APBA3: variants seen among roughly 807,000 people sequenced by gnomAD.
APBA3 encodes amyloid beta precursor protein binding family A member 3.
APBA3 carries 45 observed loss-of-function variants against 55.9 expected under a neutral mutation model. The observed-to-expected ratio is 0.80, with a 90% confidence interval of 0.63 to 1.03. APBA3 has a LOEUF of 1.03. Ranked by LOEUF, APBA3 falls within the 50% of genes least tolerant of loss-of-function variation. The pLI, the probability that APBA3 is intolerant of heterozygous loss-of-function variation, is 0.00. For missense variants in APBA3, 865 were observed against 820.3 expected (o/e 1.05, Z -0.67); for synonymous variants, 370 against 353.3 (o/e 1.05, Z -0.53).
intron 3 of APBA3, chr19:3,755,082 G>A (rs899081749): frequency 6.6e-6 from 1 of 152,260 alleles, no homozygotes; most frequent in Non-Finnish European, 1.5e-5. Context: ...CACTGTTCTA[G>A]AACCGTCTGC....
intron 1 of APBA3, among the ~76,000 whole-genome samples, chr19:3,760,903 G>A (rs150331207): frequency 1.8e-4 from 28 of 152,090 alleles, no homozygotes; most frequent in Non-Finnish European, 3.5e-4. Context: ...ACAGAGTGAG[G>A]CCCTGTCTTA....
rs2037005826 is a variant in APBA3 at position 3,751,565 on chromosome 19, G to A, written c.1396-12C>T. The A allele has an allele frequency of 6.3e-7, 1 of 1,579,496 alleles. No homozygotes were observed. The highest frequency in any genetic ancestry group is 1.4e-5 in the African/African-American group (1 of 74,034). ...TGCGACTTCGTCTCCTGTGGGGCGG[G>A]GGCCGTTGGCCTCACTCAGCTGCCG... On this transcript the variant is annotated splice_polypyrimidine_tract_variant and intron_variant, in intron 8 of 10. Transcript: ENST00000316757.
intron 3 of APBA3, chr19:3,755,559 C>CGGCGGGGG (rs1555743061): frequency 2.0e-5 from 1 of 51,244 alleles, no homozygotes; most frequent in Non-Finnish European, 4.1e-5. Context: ...TTTAGGAGGC[C>CGGCGGGGG]GGGGGGGGGG....
chr19:3,754,375 G>T (rs1183104839), intron 3 of APBA3, 35 bp from the exon 4 acceptor site: 1 of 1,535,172 alleles, frequency 6.5e-7, no homozygotes, highest in South Asian at 1.2e-5. Context: ...GGCCCCCAGG[G>T]GCCCACTCCC....
chr19:3,750,838 G>A lies in APBA3; in HGVS notation c.*188C>T. ...ACCGGCTTCTAGTGGCTTCCAGGAAGGACAAGGTCCTCGGTCCCGTAGACC... is the reference window on the plus strand; with the variant it reads ...ACCGGCTTCTAGTGGCTTCCAGGAAAGACAAGGTCCTCGGTCCCGTAGACC... On this transcript the variant is annotated 3_prime_UTR_variant, in exon 11 of 11. Transcript: ENST00000316757. The A allele has an allele frequency of 1.0e-6, 1 of 966,278 alleles. No homozygotes were observed. 59.9% of individuals were successfully genotyped at this position (966,278 alleles called of 1,614,324 possible). A position where few individuals can be genotyped will look rare whatever the true frequency, so the allele number is the denominator to read the frequency against.
Position 3,754,349 on chromosome 19 carries a change from G to A in APBA3, c.617-9C>T, listed in dbSNP as rs368806517. On this transcript the variant is annotated splice_polypyrimidine_tract_variant and intron_variant, in intron 3 of 10. Transcript: ENST00000316757. ...GTCACAGGGACCAGGCACTGAGGGC[G>A]ACAGCGAAGAGGGTCGGCCCCCAGG... is the stretch of plus-strand genomic sequence containing the variant. 1.4e-5 allele frequency: 22 copies of A among 1,555,794 alleles called. No homozygotes were observed. The highest frequency in any genetic ancestry group is 1.6e-5 in the Non-Finnish European group (18 of 1,153,366).
At position 3,759,817 on chromosome 19, in the gene APBA3, C is replaced by G. The variant is rs375417254; in HGVS notation, c.448G>C (p.Asp150His). 6 of 1,612,638 alleles carry G rather than the reference C, an allele frequency of 3.7e-6. No homozygotes were observed. The African/African-American group carries it at 6.7e-5, about 18-fold the overall frequency. The part of the protein sequence containing the change: ...QPPEDPDEDS[D>H]SPEWVEGASA... The stretch of plus-strand genomic sequence containing the variant: ...GCCCCCTCCACCCATTCTGGGGAGT[C>G]AGAATCCTCATCTGGGTCCTCAGGG... The change falls in exon 2 of 11, where the codon GAC becomes CAC. Residue 150 changes from aspartate to histidine, a missense_variant. Asp to His is a moderately conservative substitution (Grantham distance 81, BLOSUM62 -1). Coordinates refer to ENST00000316757, the MANE Select transcript of APBA3 (RefSeq NM_004886.4).
chr19:3,752,958 G>C lies in APBA3; in HGVS notation c.1044C>G (p.Ala348=), dbSNP rs71341104. Residue 348 remains alanine, a synonymous_variant, in exon 7 of 11, where the codon GCC becomes GCG. Transcript: ENST00000316757. The part of the protein sequence containing the change: ...AQLIAQAIGQ[A]FAAAYSQFLR... The stretch of plus-strand genomic sequence containing the variant: ...GGAACTGGCTGTAGGCGGCGGCGAA[G>C]GCCTGGCCAATGGCCTGGGCGATGA... 1 of 1,612,926 alleles carries C rather than the reference G, an allele frequency of 6.2e-7. No homozygotes were observed. The highest frequency in any genetic ancestry group is 8.5e-7 in the Non-Finnish European group (1 of 1,179,910).
chr19:3,756,876 GT>G (rs1292296946), intron 3 of APBA3, among the ~76,000 whole-genome samples: 1 of 152,108 alleles, frequency 6.6e-6, no homozygotes, highest in African/African-American at 2.4e-5. Flanking sequence ...TCTGCCCAGG[GT>G]TATAGAACAC....
In APBA3 at chr19:3,754,206, C is replaced by A. The variant is rs572429772; in HGVS notation, c.751G>T (p.Asp251Tyr). 6.5e-7 allele frequency: 1 copy of A among 1,541,938 alleles called. No homozygotes were observed. ...TRMAQAREAM[D>Y]RVKAPDGETQ... Reference sequence around the variant, plus strand: ...GGCCGCCCCCTCACCTTGACGCGGTCCATGGCCTCCCGGGCCTGGGCCATG... The same window carrying A: ...GGCCGCCCCCTCACCTTGACGCGGTACATGGCCTCCCGGGCCTGGGCCATG... The change falls in exon 4 of 11, where the codon GAC becomes TAC. Residue 251 changes from aspartate to tyrosine, a missense_variant. Physicochemically the swap from Asp to Tyr is radical, Grantham distance 160 (BLOSUM62 -3). Transcript: ENST00000316757.
chr19:3,753,328 G>A (rs1451721130), intron 6 of APBA3: 8 of 420,684 alleles, frequency 1.9e-5, no homozygotes, highest in East Asian at 4.1e-5. Context: ...AAGGTTTCGG[G>A]GAGTCGGCCG....
At position 3,751,055 on chromosome 19, in the gene APBA3, T is replaced by G. The variant is rs1029674178; in HGVS notation, c.1699A>C (p.Thr567Pro). 3.2e-6 allele frequency: 5 copies of G among 1,565,638 alleles called. No individual in the cohort carries two copies. Among genetic ancestry groups the G allele is most frequent in the Non-Finnish European group, 3.5e-6 (4 of 1,154,868 alleles). ...TMPAATYRLL[T>P]GQEQPVYL ...AGGTACACGGGCTGCTCCTGGCCTGTAAGGAGGCGATATGTGGCAGCTGGC... is the reference window on the plus strand; with the variant it reads ...AGGTACACGGGCTGCTCCTGGCCTGGAAGGAGGCGATATGTGGCAGCTGGC... The change falls in exon 11 of 11, where the codon ACA (threonine) becomes CCA (proline). Residue 567 changes from threonine (T) to proline (P), a missense_variant. Physicochemically the swap from Thr to Pro is conservative, Grantham distance 38. Coordinates refer to ENST00000316757, the MANE Select transcript of APBA3 (RefSeq NM_004886.4).
rs2037043045 is a variant in APBA3, at chr19:3,753,933, C to CGGGAGAGGCAGCCTGGGT, written c.850-25_850-8dup. 3 of 1,554,426 alleles carry CGGGAGAGGCAGCCTGGGT rather than the reference C, an allele frequency of 1.9e-6. No individual in the cohort carries two copies. The highest frequency in any genetic ancestry group is 2.6e-6 in the Non-Finnish European group (3 of 1,147,858). On this transcript the variant is annotated splice_region_variant and splice_polypyrimidine_tract_variant and intron_variant, in intron 5 of 10. Transcript: ENST00000316757. ...CGTGGTCCATCATGGCCTCCTGGGG[C>CGGGAGAGGCAGCCTGGGT]GGGAGAGGCAGCCTGGGTGGGTTGG...
Position 3,759,610 on chromosome 19 carries a change from G to C in APBA3, c.577-10C>G. On this transcript the variant is annotated splice_polypyrimidine_tract_variant and intron_variant, in intron 2 of 10. Coordinates refer to ENST00000316757, the MANE Select transcript of APBA3 (RefSeq NM_004886.4). ...CCAGGGTCTCGGGGCTCTGGAAGAA[G>C]ATAGAGGAGGGGCAGGACTGAGTCT... 2 of 1,601,764 alleles carry C rather than the reference G, an allele frequency of 1.2e-6. No homozygotes were observed. Among genetic ancestry groups the C allele is most frequent in the Middle Eastern group, 3.3e-4 (2 of 5,974 alleles).
In APBA3 at chr19:3,751,040, G is replaced by T; in HGVS notation, c.1714C>A (p.Pro572Thr). The T allele has an allele frequency of 6.4e-7, 1 of 1,561,660 alleles. No individual in the cohort carries two copies. The highest frequency in any genetic ancestry group is 8.7e-7 in the Non-Finnish European group (1 of 1,152,686). ...GGATGAGGTGGTCACAGGTACACGG[G>T]CTGCTCCTGGCCTGTAAGGAGGCGA... ...TYRLLTGQEQ[P>T]VYL Residue 572 changes from proline to threonine, a missense_variant, in exon 11 of 11, where the codon CCC becomes ACC. Physicochemically the swap from Pro to Thr is conservative, Grantham distance 38. Coordinates refer to ENST00000316757, the MANE Select transcript of APBA3 (RefSeq NM_004886.4).
intron 3 of APBA3, among the ~76,000 whole-genome samples, chr19:3,758,256 G>A (rs1302859651): frequency 1.3e-5 from 2 of 151,442 alleles, no homozygotes; most frequent in East Asian, 3.9e-4. Flanking sequence ...AATTTGAATT[G>A]CATTTTTTTA....
Position 3,760,336 on chromosome 19 carries a change from C to T in APBA3, c.-37-35G>A, listed in dbSNP as rs60648147. 78 of 1,394,976 alleles carry T rather than the reference C, an allele frequency of 5.6e-5. 1 individual carries two copies. In the South Asian group the frequency reaches 9.0e-4, roughly 16 times the overall value. The allele number at this position is 1,394,976 out of a possible 1,614,324, so 86.4% of individuals were successfully genotyped here. A position where few individuals can be genotyped will look rare whatever the true frequency, so the allele number is the denominator to read the frequency against. On this transcript the variant is annotated intron_variant, in intron 1 of 10. Coordinates refer to ENST00000316757, the MANE Select transcript of APBA3 (RefSeq NM_004886.4). ...AGAGAGTCAGCACTGAGGTTTCGCC[C>T]GGGTGCAGTGGCTCATGCCTGTAAT...
chr19:3,759,887 A>T lies in APBA3; in HGVS notation c.378T>A (p.Thr126=). ...LHCEECPPSQ[T]GPEEPLEPAP... ...CAGGCTCTAGAGGCTCTTCAGGACC[A>T]GTCTGGGAAGGCGGGCATTCCTCGC... The change falls in exon 2 of 11, where the codon ACT becomes ACA. Residue 126 remains threonine (T), a synonymous_variant. Coordinates refer to ENST00000316757, the MANE Select transcript of APBA3 (RefSeq NM_004886.4). The T allele has an allele frequency of 1.9e-6, 3 of 1,611,956 alleles. No homozygotes were observed. Among genetic ancestry groups the T allele is most frequent in the Non-Finnish European group, 2.5e-6 (3 of 1,179,592 alleles).
Position 3,752,510 on chromosome 19 carries a change from G to T in APBA3, c.1393C>A (p.Arg465Ser). 1.3e-6 allele frequency: 2 copies of T among 1,571,524 alleles called. No homozygotes were observed. Among genetic ancestry groups the T allele is most frequent in the Non-Finnish European group, 8.6e-7 (1 of 1,164,026 alleles). Residue 465 changes from arginine to serine, a missense_variant and splice_region_variant, in exon 8 of 11, where the codon CGC becomes AGC. Physicochemically the swap from Arg to Ser is moderately radical, Grantham distance 110 (BLOSUM62 -1). Transcript: ENST00000316757. Reference sequence around the variant, plus strand: ...CCCTGCCACACCAGGAAACTCACGCGGACAGCGGCCTGGCACGCAGCCAGG... The same window carrying T: ...CCCTGCCACACCAGGAAACTCACGCTGACAGCGGCCTGGCACGCAGCCAGG... Reference protein sequence around the residue: ...LPLAACQAAVRETKSQTSVTL... With the variant: ...LPLAACQAAVSETKSQTSVTL...
Sources: allele counts gnomAD v4.1 joint callset (sites outside exome capture counted in the v4.1 genomes callset), GRCh38; gene constraint gnomAD v4.1.1; transcripts MANE v1.5; gene names NCBI Gene and HGNC (gene_info 2026-07-23, HGNC 2026-07-21).